Variants in FRYL observed in about 807,000 individuals in gnomAD.
FRYL encodes protein furry homolog-like.
FRYL carries 150 observed loss-of-function variants against 351.2 expected under a neutral mutation model. The ratio of observed to expected loss-of-function variants is 0.43; its 90% CI spans 0.37 to 0.49. FRYL has a LOEUF of 0.49. Among genes scored for constraint, FRYL ranks in the 20% least tolerant of loss-of-function variants. FRYL has a pLI of 0.00. For synonymous variants in FRYL, 1,153 were observed against 1,257.1 expected, an observed-to-expected ratio of 0.92 and a Z score of 1.75; for missense variants, 3,036 against 3,619.3, an observed-to-expected ratio of 0.84 and a Z score of 4.13.
rs1722690160 is a variant in FRYL, at chr4:48,512,477, T to C, written c.8145+4A>G. ...TGAATTCAGAAACCCTGAACCTCAC[T>C]GACCTGAAACAGCCTAGAAAACACA... On this transcript the variant is annotated splice_donor_region_variant and intron_variant, in intron 57 of 63. Transcript: ENST00000358350. The C allele has an allele frequency of 6.2e-7, 1 of 1,606,682 alleles. No homozygotes were observed. Among genetic ancestry groups the C allele is most frequent in the African/African-American group, 1.3e-5 (1 of 74,746 alleles).
chr4:48,563,884 A>G, intron 31 of FRYL, 64 bp downstream of exon 31: 1 of 1,546,726 alleles, frequency 6.5e-7, no homozygotes, highest in South Asian at 1.2e-5. Context: ...TTTTGAATTC[A>G]AAAGAAAAAC....
intron 21 of FRYL, 66 bp from the exon 22 acceptor site, chr4:48,581,017 T>A: frequency 2.2e-6 from 2 of 913,498 alleles, no homozygotes; most frequent in Non-Finnish European, 3.3e-6. Context: ...CAAACCCAAG[T>A]AAACACTAAA....
chr4:48,581,561 C>T lies in FRYL; in HGVS notation c.2031G>A (p.Arg677=). 2 of 1,613,210 alleles carry T rather than the reference C, an allele frequency of 1.2e-6. No homozygotes were observed. Among genetic ancestry groups the T allele is most frequent in the Admixed American group, 1.7e-5 (1 of 59,938 alleles). The change falls in exon 21 of 64, where the codon AGG becomes AGA. Residue 677 remains arginine, a synonymous_variant. Transcript: ENST00000358350. ...NGASHPPPLE[R]SPYSNVFHVV... is the part of the protein sequence containing the mutation. ...CATGGAATACATTGGAATATGGGCT[C>T]CTTTCCAGAGGAGGGGGATGAGAAG...
At chr4:48,511,046 A>C in intron 57 of FRYL, 62 bp from the exon 58 acceptor site, 1 of 1,116,038 alleles carries the variant, frequency 9.0e-7, no homozygotes, top group Non-Finnish European at 1.3e-6. Context: ...TTCATCTTTA[A>C]GTAAAGAAGC....
At chr4:48,527,944 T>A in intron 52 of FRYL, 27 bp downstream of exon 52, 1 of 1,509,002 alleles carries the variant, frequency 6.6e-7, no homozygotes, top group Non-Finnish European at 8.9e-7. Flanking sequence ...CTTTAAGACC[T>A]TGACACAGGT....
chr4:48,669,603 G>T, intron 3 of FRYL, among the ~76,000 whole-genome samples: 1 of 145,664 alleles, frequency 6.9e-6, no homozygotes, highest in Admixed American at 6.9e-5. Flanking sequence ...TATATTAAAG[G>T]GATATATATA....
In FRYL at chr4:48,553,333, TA is replaced by T. The variant is rs778281934; in HGVS notation, c.4316del (p.Leu1439GlnfsTer5). On this transcript the variant is annotated frameshift_variant, in exon 36 of 64. Coordinates refer to ENST00000358350, the MANE Select transcript of FRYL (RefSeq NM_015030.2). LOFTEE classifies it high-confidence loss of function. ...GCTGAAGCTCACTCACCAGCTCTTC[TA>T]GCAACTGCATTGTTTTATCTCTACC... ...YLGRDKTMQLLEELVSELQLT... is the reference protein window; with the variant it reads ...YLGRDKTMQLXEELVSELQLT... 1 of 1,612,824 alleles carries T rather than the reference TA, an allele frequency of 6.2e-7. No homozygotes were observed. Among genetic ancestry groups the T allele is most frequent in the Non-Finnish European group, 8.5e-7 (1 of 1,179,118 alleles).
chr4:48,718,488 A>G (rs1769115873), intron 1 of FRYL, among the ~76,000 whole-genome samples: 1 of 151,496 alleles, frequency 6.6e-6, no homozygotes, highest in Non-Finnish European at 1.5e-5. Flanking sequence ...TCTACTCTAT[A>G]CGTTAGTTGT....
At position 48,531,065 on chromosome 4, in the gene FRYL, G is replaced by A. The variant is rs1227697916; in HGVS notation, c.6903+91C>T. On this transcript the variant is annotated intron_variant, in intron 50 of 63. Transcript: ENST00000358350. ...TCATATTGTCTAACACTGGGTATGA[G>A]CTCAATCAATGTTTGTTAAATCAAA... 7 of 881,272 alleles carry A rather than the reference G, an allele frequency of 7.9e-6. No individual in the cohort carries two copies. The African/African-American group carries it at 1.2e-4, about 15-fold the overall frequency. The allele number at this position is 881,272 out of a possible 1,614,324, so 54.6% of individuals were successfully genotyped here.
At chr4:48,656,421 A>G (rs1053494938) in intron 3 of FRYL, among the ~76,000 whole-genome samples, 3 of 35,028 alleles carry the variant, frequency 8.6e-5, no homozygotes, top group Non-Finnish European at 1.5e-4. Flanking sequence ...TAATGTATAT[A>G]TAATGTATAA....
At chr4:48,608,168 G>T (rs1245121761) in intron 9 of FRYL, among the ~76,000 whole-genome samples, 1 of 151,952 alleles carries the variant, frequency 6.6e-6, no homozygotes, top group Non-Finnish European at 1.5e-5. Context: ...TGCTATACAA[G>T]GGTTCCTAGT....
At chr4:48,658,901 C>T (rs910655514) in intron 3 of FRYL, among the ~76,000 whole-genome samples, 1 of 151,870 alleles carries the variant, frequency 6.6e-6, no homozygotes, top group African/African-American at 2.4e-5. Flanking sequence ...TTCTTTGAAA[C>T]CTCATTAAAT....
In FRYL at chr4:48,720,030, A is replaced by G. The variant is rs1354182093; in HGVS notation, c.-383-9332T>C. On this transcript the variant is annotated intron_variant, in intron 1 of 63. Transcript: ENST00000358350. The stretch of plus-strand genomic sequence containing the variant: ...CTGGGTGTGGTGGCGTGCACCTGTA[A>G]TCCCAGCTACTTGGGAGGCTGAGGC... Among the ~76,000 whole-genome samples, 5 of 150,752 alleles carry G rather than the reference A, an allele frequency of 3.3e-5. No individual in the cohort carries two copies. In the Admixed American group the frequency reaches 3.3e-4, roughly 10 times the overall value.
At position 48,559,891 on chromosome 4, in the gene FRYL, GA is replaced by G. The variant is rs1317408240; in HGVS notation, c.3865+1576del. 2.6e-5 allele frequency among the ~76,000 whole-genome samples: 4 copies of G among 152,256 alleles called. No individual in the cohort carries two copies. The East Asian group carries it at 7.7e-4, about 29-fold the overall frequency. On this transcript the variant is annotated intron_variant, in intron 33 of 63. Coordinates refer to ENST00000358350, the MANE Select transcript of FRYL (RefSeq NM_015030.2). The stretch of plus-strand genomic sequence containing the variant: ...AAGATGGCTAACACCAATTGCTGTG[GA>G]AAGTAGCAAACAGACTGAAGACTAT...
chr4:48,591,612 T>C (rs1163722851), intron 16 of FRYL, among the ~76,000 whole-genome samples: 1 of 152,196 alleles, frequency 6.6e-6, no homozygotes, highest in Non-Finnish European at 1.5e-5. Context: ...GGCTGTGTCA[T>C]CTTTATCTGC....
chr4:48,619,920 G>T (rs763195279), intron 6 of FRYL, among the ~76,000 whole-genome samples: 6 of 152,130 alleles, frequency 3.9e-5, no homozygotes, highest in African/African-American at 9.7e-5. Context: ...TAACCTAAAA[G>T]AATTAGTAAG....
At chr4:48,547,913 A>G in intron 40 of FRYL, 144 bp from the exon 41 acceptor site, 1 of 510,812 alleles carries the variant, frequency 2.0e-6, no homozygotes. Context: ...ATTGCCCTAG[A>G]GTTCTTATAT....
intron 1 of FRYL, among the ~76,000 whole-genome samples, chr4:48,756,690 G>A (rs149956820): frequency 3.3e-4 from 51 of 152,312 alleles, no homozygotes; most frequent in Non-Finnish European, 5.1e-4. Context: ...GCTCATGCCT[G>A]TAATCCCAGC....
At chr4:48,746,324 T>C (rs1306480816) in intron 1 of FRYL, among the ~76,000 whole-genome samples, 2 of 151,840 alleles carry the variant, frequency 1.3e-5, no homozygotes, top group African/African-American at 4.8e-5. Flanking sequence ...CCCAGCACTT[T>C]GGGAGGCTAA....
Sources: gnomAD v4.1 joint callset for allele counts (sites outside exome capture counted in the v4.1 genomes callset) on GRCh38, gnomAD v4.1.1 for gene constraint, MANE v1.5 for transcripts, NCBI Gene and HGNC (gene_info 2026-07-23, HGNC 2026-07-21) for gene names.